Variants in COL9A1 observed in about 807,000 individuals in gnomAD.
COL9A1 encodes the protein collagen type IX alpha 1 chain, also known as collagen alpha-1(IX) chain.
COL9A1 carries 104 observed loss-of-function variants against 142.6 expected under a neutral mutation model. That is an observed-to-expected ratio of 0.73 (90% CI 0.62 to 0.86). The LOEUF is 0.86. Among genes scored for constraint, COL9A1 ranks in the 40% least tolerant of loss-of-function variants. The pLI is 0.00. For synonymous variants in COL9A1, 466 were observed against 396.0 expected, an observed-to-expected ratio of 1.18 and a Z score of -2.10; for missense variants, 1,210 against 1,176.6, an observed-to-expected ratio of 1.03 and a Z score of -0.42.
At chr6:70,242,256 C>T (rs1290471031) in intron 29 of COL9A1, 1 of 604,566 alleles carries the variant, frequency 1.7e-6, no homozygotes, top group East Asian at 3.0e-5. Flanking sequence ...CTCAGTTCCC[C>T]TTGCACTCCT....
chr6:70,274,304 C>T (rs1431407553), intron 11 of COL9A1, among the ~76,000 whole-genome samples: 1 of 152,024 alleles, frequency 6.6e-6, no homozygotes, highest in African/African-American at 2.4e-5. Context: ...ATCATCCCAT[C>T]ACCCAGCTAT....
intron 37 of COL9A1, 93 bp from the exon 38 acceptor site, chr6:70,217,174 G>A (rs1399907617): frequency 2.4e-6 from 3 of 1,268,516 alleles, no homozygotes; most frequent in Non-Finnish European, 3.4e-6. Flanking sequence ...CAGATAAGGG[G>A]TTTAACAAAC....
At chr6:70,283,074 C>T in intron 6 of COL9A1, 156 bp from the exon 7 acceptor site, 6 of 1,581,218 alleles carry the variant, frequency 3.8e-6, no homozygotes, top group Non-Finnish European at 5.1e-6. Context: ...GCCGCTAATC[C>T]CTTGGCCCGG....
At chr6:70,226,868 A>G (rs1769263818) in intron 36 of COL9A1, among the ~76,000 whole-genome samples, 1 of 152,194 alleles carries the variant, frequency 6.6e-6, no homozygotes. Flanking sequence ...AGAAAAACAC[A>G]TAAGCCAGAG....
chr6:70,256,811 C>T lies in COL9A1; in HGVS notation c.1460G>A (p.Gly487Asp). The T allele has an allele frequency of 1.2e-6, 2 of 1,613,450 alleles. No individual in the cohort carries two copies. The highest frequency in any genetic ancestry group is 1.7e-6 in the Non-Finnish European group (2 of 1,179,896). The change falls in exon 21 of 38, where the codon GGC (glycine) becomes GAC (aspartate). Residue 487 changes from glycine to aspartate, a missense_variant. By Grantham distance (94) the Gly-to-Asp change is moderately conservative (BLOSUM62 -1). Coordinates refer to ENST00000357250, the MANE Select transcript of COL9A1 (RefSeq NM_001851.6). ...CTGAGGCCCAGGTTCACCATCTAAG[C>T]CCCGAGCACCCTGCAAAAAAACAAG... Reference protein sequence around the residue: ...VGDKGEKGARGLDGEPGPQGL... With the variant: ...VGDKGEKGARDLDGEPGPQGL...
At chr6:70,270,860 T>C (rs1442262294) in intron 14 of COL9A1, among the ~76,000 whole-genome samples, 1 of 152,192 alleles carries the variant, frequency 6.6e-6, no homozygotes, top group Non-Finnish European at 1.5e-5. Flanking sequence ...TCACTGCACC[T>C]CTTGCAATGA....
chr6:70,300,332 C>T lies in COL9A1; in HGVS notation c.143G>A (p.Arg48Lys). ...ACCTGGTAAGTCATCTTGGCCAATC[C>T]TGATCTTTGGACAGAGTTCATTTCC... ...NGGNELCPKIRIGQDDLPGFD... is the reference protein window; with the variant it reads ...NGGNELCPKIKIGQDDLPGFD... Residue 48 changes from arginine to lysine, a missense_variant, in exon 3 of 38, where the codon AGG (arginine) becomes AAG (lysine). By Grantham distance (26) the Arg-to-Lys change is conservative. Coordinates refer to ENST00000357250, the MANE Select transcript of COL9A1 (RefSeq NM_001851.6). 1 of 1,613,630 alleles carries T rather than the reference C, an allele frequency of 6.2e-7. No homozygotes were observed.
rs144009736 is a variant in COL9A1 at position 70,270,325 on chromosome 6, G to T, written c.1186C>A (p.Pro396Thr). Residue 396 changes from proline to threonine, a missense_variant, in exon 15 of 38, where the codon CCA (proline) becomes ACA (threonine). By Grantham distance (38) the Pro-to-Thr change is conservative. Transcript: ENST00000357250. ...RRGPPGPPGP[P>T]GPRGTIGFHD... ...TGCAAATAACTTACTCTGGGTCCTG[G>T]GGGGCCAGGGGGGCCAGGTGGTCCT... 444 of 1,613,436 alleles carry T rather than the reference G, an allele frequency of 2.8e-4. 1 individual carries two copies. Among genetic ancestry groups the T allele is most frequent in the Non-Finnish European group, 3.5e-4 (416 of 1,179,604 alleles).
At chr6:70,220,067 T>G (rs1768771822) in intron 37 of COL9A1, among the ~76,000 whole-genome samples, 1 of 152,184 alleles carries the variant, frequency 6.6e-6, no homozygotes, top group Non-Finnish European at 1.5e-5. Flanking sequence ...TGATTTATTT[T>G]ATGAAGCATG....
At chr6:70,271,755 C>T (rs573851695) in intron 13 of COL9A1, 47 bp from the exon 14 acceptor site, 3 of 1,507,890 alleles carry the variant, frequency 2.0e-6, no homozygotes, top group East Asian at 4.5e-5. Flanking sequence ...AATATTTTTA[C>T]AATCTATCAT....
At position 70,298,679 on chromosome 6, in the gene COL9A1, A is replaced by C. The variant is rs1274545863; in HGVS notation, c.299+1364T>G. On this transcript the variant is annotated intron_variant, in intron 4 of 37. Transcript: ENST00000357250. ...ATCTCTGAACTTAAGAGTTAATGAC[A>C]GTACCTCAAACCTTAGAAGAGAAAA... Among the ~76,000 whole-genome samples, 5 of 152,346 alleles carry C rather than the reference A, an allele frequency of 3.3e-5. No individual in the cohort carries two copies. In the East Asian group the frequency reaches 9.6e-4, roughly 29 times the overall value.
At chr6:70,223,715 C>T (rs1406151224) in intron 37 of COL9A1, among the ~76,000 whole-genome samples, 1 of 152,258 alleles carries the variant, frequency 6.6e-6, no homozygotes, top group African/African-American at 2.4e-5. Flanking sequence ...GCAGACCCCT[C>T]TTCTCTGGCA....
At chr6:70,260,440 C>G (rs2127581111) in intron 20 of COL9A1, among the ~76,000 whole-genome samples, 1 of 151,324 alleles carries the variant, frequency 6.6e-6, no homozygotes, top group East Asian at 2.0e-4. Context: ...CTGCTCTACT[C>G]GTGATGCTGA....
At chr6:70,280,975 T>C (rs1261131243) in intron 9 of COL9A1, 29 bp downstream of exon 9, 7 of 1,613,428 alleles carry the variant, frequency 4.3e-6, no homozygotes, top group Non-Finnish European at 5.9e-6. Context: ...AGGAAGGAAG[T>C]GGAGCGCCAT....
At chr6:70,273,207 A>G (rs2127591784) in intron 12 of COL9A1, among the ~76,000 whole-genome samples, 1 of 152,326 alleles carries the variant, frequency 6.6e-6, no homozygotes, top group Non-Finnish European at 1.5e-5. Context: ...ACACTTTAAT[A>G]CATAGGTCAA....
rs1449808890 is a variant in COL9A1 at position 70,275,983 on chromosome 6, CA to C, written c.976-1212del. ...TATAGAAAACTAGTTCAGTGGCCAC[CA>C]TTTTTACATTTCTCTACCTTAATTA... On this transcript the variant is annotated intron_variant, in intron 10 of 37. Transcript: ENST00000357250. 1.3e-5 allele frequency among the ~76,000 whole-genome samples: 2 copies of C among 152,030 alleles called. 1 individual carries two copies. Among genetic ancestry groups the C allele is most frequent in the Non-Finnish European group, 2.9e-5 (2 of 67,990 alleles).
rs577125555 is a variant in COL9A1 at position 70,226,080 on chromosome 6, C to T, written c.2504-71G>A. 37 of 1,364,084 alleles carry T rather than the reference C, an allele frequency of 2.7e-5. No individual in the cohort carries two copies. The African/African-American group carries it at 4.9e-4, about 18-fold the overall frequency. 84.5% of individuals were successfully genotyped at this position (1,364,084 alleles called of 1,614,324 possible). A position where few individuals can be genotyped will look rare whatever the true frequency, so the allele number is the denominator to read the frequency against. ...ATAAACTTCCGCATCTTTAAACTTT[C>T]AGCAAATCTAAAATTCAGAAACCAA... On this transcript the variant is annotated intron_variant, in intron 36 of 37. Transcript: ENST00000357250.
At chr6:70,232,840 G>T (rs947055932) in intron 35 of COL9A1, 69 bp from the exon 36 acceptor site, 7 of 1,486,436 alleles carry the variant, frequency 4.7e-6, no homozygotes, top group Admixed American at 2.0e-5. Flanking sequence ...GAAAAGAGAG[G>T]TATTCCAAAT....
At chr6:70,291,254 A>G (rs1448397170) in intron 5 of COL9A1, among the ~76,000 whole-genome samples, 2 of 152,164 alleles carry the variant, frequency 1.3e-5, no homozygotes, top group African/African-American at 4.8e-5. Context: ...ACAAAGCTTG[A>G]AAAGGGAAGA....
Sources: gnomAD v4.1 joint callset for allele counts (sites outside exome capture counted in the v4.1 genomes callset) on GRCh38, gnomAD v4.1.1 for gene constraint, MANE v1.5 for transcripts, NCBI Gene and HGNC (gene_info 2026-07-23, HGNC 2026-07-21) for gene names.